Variants in ZNF227 observed in about 807,000 individuals in gnomAD.
The protein encoded by ZNF227 is zinc finger protein 227.
Under a neutral mutation model 13.2 loss-of-function variants are expected in ZNF227, and 12 were observed. That is an observed-to-expected ratio of 0.91 (90% confidence interval 0.58 to 1.47). The LOEUF (loss-of-function observed/expected upper bound fraction) is 1.47, where lower values mean the gene tolerates loss of function less well. ZNF227 is among the 40% of genes most tolerant of loss of function. The probability of loss-of-function intolerance (pLI) is 0.00; values close to 1 mark genes in which losing one functional copy is unlikely to be tolerated. For missense variants in ZNF227, 885 were observed against 967.5 expected (o/e 0.91, Z 1.13); for synonymous variants, 338 against 326.0 (o/e 1.04, Z -0.40).
intron 3 of ZNF227, among the ~76,000 whole-genome samples, chr19:44,226,937 A>G: frequency 6.6e-6 from 1 of 152,168 alleles, no homozygotes; most frequent in African/African-American, 2.4e-5. Flanking sequence ...CAAAACTTTT[A>G]AAGTAAATAT....
At chr19:44,211,888 GTTTT>G (rs199745948), upstream of ZNF227, among the ~76,000 whole-genome samples, 2 of 125,352 alleles carry the variant, frequency 1.6e-5, no homozygotes, top group South Asian at 2.5e-4. Flanking sequence ...TCTTATAATA[GTTTT>G]TTTTTTCTTT....
At chr19:44,221,589 G>A (rs1485928243) in intron 3 of ZNF227, among the ~76,000 whole-genome samples, 3 of 152,074 alleles carry the variant, frequency 2.0e-5, no homozygotes, top group East Asian at 1.9e-4. Context: ...CATGTCCTTC[G>A]CCCACTTTTT....
rs763210840 is a variant in ZNF227 at position 44,235,823 on chromosome 19, A to G, written c.1393A>G (p.Lys465Glu). 6.2e-7 allele frequency: 1 copy of G among 1,613,860 alleles called. No homozygotes were observed. The highest frequency in any genetic ancestry group is 2.2e-5 in the East Asian group (1 of 44,868). Residue 465 changes from lysine to glutamate, a missense_variant, in exon 6 of 6, where the codon AAG becomes GAG. Physicochemically the swap from Lys to Glu is moderately conservative, Grantham distance 56 (BLOSUM62 1). Coordinates refer to ENST00000313040, the MANE Select transcript of ZNF227 (RefSeq NM_182490.3). ...RRVHTGEKPY[K>E]CEACGKGFTR... Reference sequence around the variant, plus strand: ...AGTCCACACAGGAGAGAAGCCATACAAGTGTGAGGCGTGTGGGAAAGGCTT... The same window carrying G: ...AGTCCACACAGGAGAGAAGCCATACGAGTGTGAGGCGTGTGGGAAAGGCTT...
chr19:44,225,836 C>T (rs183501748), intron 3 of ZNF227, among the ~76,000 whole-genome samples: 11 of 152,324 alleles, frequency 7.2e-5, no homozygotes, highest in East Asian at 5.8e-4. Flanking sequence ...GGAGGAGAGG[C>T]GCTCTGCTTT....
At chr19:44,211,925 T>C (rs1971392633), upstream of ZNF227, among the ~76,000 whole-genome samples, 1 of 138,352 alleles carries the variant, frequency 7.2e-6, no homozygotes, top group Admixed American at 7.4e-5. Flanking sequence ...AGACAGAGTC[T>C]CACTCTGTCG....
intron 3 of ZNF227, 56 bp from the exon 4 acceptor site, chr19:44,228,390 C>T: frequency 1.9e-6 from 3 of 1,568,070 alleles, no homozygotes; most frequent in Non-Finnish European, 1.7e-6. Flanking sequence ...TGATGCCACC[C>T]TTCTTCTAGT....
rs1270782976 is a variant in ZNF227, at chr19:44,235,552, C to T, written c.1122C>T (p.His374=). The T allele has an allele frequency of 6.2e-7, 1 of 1,614,158 alleles. No homozygotes were observed. The highest frequency in any genetic ancestry group is 1.1e-5 in the South Asian group (1 of 91,082). The change falls in exon 6 of 6, where the codon CAC becomes CAT. Residue 374 remains histidine, a synonymous_variant. Coordinates refer to ENST00000313040, the MANE Select transcript of ZNF227 (RefSeq NM_182490.3). ...ATTTTCAGTGCCATCAGAGAGTCCA[C>T]ACTGAAGAAAAACCATACAAATGCG... ...SSNFQCHQRV[H]TEEKPYKCEE...
chr19:44,210,673 T>C (rs528351130), upstream of ZNF227, among the ~76,000 whole-genome samples: 25 of 152,284 alleles, frequency 1.6e-4, no homozygotes, highest in East Asian at 4.8e-3. Context: ...GTACAAGTAA[T>C]CCACTATGGC....
rs1439645723 is a variant in ZNF227 at position 44,234,728 on chromosome 19, A to G, written c.298A>G (p.Thr100Ala). The G allele has an allele frequency of 6.3e-7, 1 of 1,597,838 alleles. No individual in the cohort carries two copies. The highest frequency in any genetic ancestry group is 2.2e-5 in the East Asian group (1 of 44,826). ...RSSKHQNKME[T>A]LQKFALKYLS... ...CAGCAAGCATCAAAATAAGATGGAAACACTCCAAAAATTTGCATTAAAATA... is the reference window on the plus strand; with the variant it reads ...CAGCAAGCATCAAAATAAGATGGAAGCACTCCAAAAATTTGCATTAAAATA... Residue 100 changes from threonine to alanine, a missense_variant, in exon 6 of 6, where the codon ACA (threonine) becomes GCA (alanine). Transcript: ENST00000313040.
At position 44,235,965 on chromosome 19, in the gene ZNF227, A is replaced by T; in HGVS notation, c.1535A>T (p.Asn512Ile). ...SQASNLQVHQ[N>I]VHTGEKRFKC... ...GCTTCAAATCTTCAAGTCCATCAGA[A>T]TGTCCACACTGGGGAGAAACGATTC... Residue 512 changes from asparagine to isoleucine, a missense_variant, in exon 6 of 6, where the codon AAT (asparagine) becomes ATT (isoleucine). Physicochemically the swap from Asn to Ile is moderately radical, Grantham distance 149. Coordinates refer to ENST00000313040, the MANE Select transcript of ZNF227 (RefSeq NM_182490.3). 1.2e-6 allele frequency: 2 copies of T among 1,612,436 alleles called. No homozygotes were observed. Among genetic ancestry groups the T allele is most frequent in the Non-Finnish European group, 1.7e-6 (2 of 1,179,564 alleles).
intron 5 of ZNF227, 85 bp from the exon 6 acceptor site, chr19:44,234,617 T>G: frequency 7.9e-7 from 1 of 1,270,796 alleles, no homozygotes; most frequent in Non-Finnish European, 1.1e-6. Context: ...CTTTCTCCCA[T>G]GGCCTAAGTG....
In ZNF227 at chr19:44,236,794, A is replaced by G. The variant is rs1974560354; in HGVS notation, c.2364A>G (p.Thr788=). 5.6e-6 allele frequency: 9 copies of G among 1,596,884 alleles called. No homozygotes were observed. Among genetic ancestry groups the G allele is most frequent in the Non-Finnish European group, 7.7e-6 (9 of 1,171,964 alleles). ...DKDFRHRSRL[T]YHQKVHTGKK... ...ACTTCCGTCACCGTTCACGTCTTAC[A>G]TATCATCAGAAAGTCCATACTGGTA... Residue 788 remains threonine (T), a synonymous_variant, in exon 6 of 6, where the codon ACA becomes ACG. Coordinates refer to ENST00000313040, the MANE Select transcript of ZNF227 (RefSeq NM_182490.3).
chr19:44,211,824 T>C (rs1009349688), upstream of ZNF227, among the ~76,000 whole-genome samples: 29 of 151,534 alleles, frequency 1.9e-4, no homozygotes, highest in African/African-American at 6.3e-4. Flanking sequence ...TTTTTTTTTT[T>C]TTTTTTGGAA....
chr19:44,229,167 C>T (rs192902655), intron 4 of ZNF227: 1 of 152,652 alleles, frequency 6.6e-6, no homozygotes, highest in Non-Finnish European at 1.5e-5. Flanking sequence ...TGACAATTTT[C>T]AGTGAATGGT....
intron 2 of ZNF227, 30 bp downstream of exon 2, chr19:44,213,274 C>G (rs1037219109): frequency 1.3e-5 from 2 of 152,124 alleles, no homozygotes; most frequent in African/African-American, 4.8e-5. Flanking sequence ...CTTTGTTGTT[C>G]CATTTTCTGT....
Position 44,235,316 on chromosome 19 carries a change from C to G in ZNF227, c.886C>G (p.Leu296Val). 1 of 1,614,186 alleles carries G rather than the reference C, an allele frequency of 6.2e-7. No individual in the cohort carries two copies. The highest frequency in any genetic ancestry group is 1.1e-5 in the South Asian group (1 of 91,090). The part of the protein sequence containing the change: ...THQRIHPGEK[L>V]NRCHESGDCF... ...TCAGAGAATTCACCCAGGAGAGAAA[C>G]TCAATAGATGTCATGAATCTGGTGA... is the stretch of plus-strand genomic sequence containing the variant. Residue 296 changes from leucine (L) to valine (V), a missense_variant, in exon 6 of 6, where the codon CTC becomes GTC. Coordinates refer to ENST00000313040, the MANE Select transcript of ZNF227 (RefSeq NM_182490.3).
At chr19:44,207,614 A>G (rs1277520465), upstream of ZNF227, 1 of 152,246 alleles carries the variant, frequency 6.6e-6, no homozygotes, top group African/African-American at 2.4e-5. Flanking sequence ...GGACCCTCCA[A>G]GTTTTCTCAG....
intron 2 of ZNF227, chr19:44,217,476 A>G: frequency 1.8e-6 from 1 of 559,442 alleles, no homozygotes; most frequent in South Asian, 1.5e-5. Flanking sequence ...CACAGCTGGT[A>G]AGTATCATTT....
At chr19:44,216,146 C>A (rs1434149636) in intron 2 of ZNF227, among the ~76,000 whole-genome samples, 1 of 150,986 alleles carries the variant, frequency 6.6e-6, no homozygotes, top group African/African-American at 2.4e-5. Context: ...AATATAGTCA[C>A]AAATGTTTTC....
Sources: allele counts gnomAD v4.1 joint callset (sites outside exome capture counted in the v4.1 genomes callset), GRCh38; gene constraint gnomAD v4.1.1; transcripts MANE v1.5; gene names NCBI Gene and HGNC (gene_info 2026-07-23, HGNC 2026-07-21).